Variants in PTPN3 observed in about 807,000 individuals in gnomAD.
The protein encoded by PTPN3 is protein tyrosine phosphatase non-receptor type 3, also known as tyrosine-protein phosphatase non-receptor type 3.
In PTPN3, 96 loss-of-function variants were observed where a neutral mutation model predicts 132.7. The observed-to-expected ratio is 0.72, with a 90% confidence interval of 0.61 to 0.86. The LOEUF (loss-of-function observed/expected upper bound fraction) is 0.86, where lower values mean the gene tolerates loss of function less well. Among genes scored for constraint, PTPN3 ranks in the 40% least tolerant of loss-of-function variants. The pLI, the probability that PTPN3 is intolerant of heterozygous loss-of-function variation, is 0.00. For synonymous variants in PTPN3, 398 were observed against 429.0 expected, an observed-to-expected ratio of 0.93 and a Z score of 0.89; for missense variants, 1,125 against 1,159.6, an observed-to-expected ratio of 0.97 and a Z score of 0.43.
At chr9:109,532,814 G>T in the PTPN3 span, 1 of 776,760 alleles carries the variant, frequency 1.3e-6, no homozygotes, top group African/African-American at 1.8e-5. Context: ...TGATGATAGA[G>T]ATGATAAGTC....
Position 109,445,280 on chromosome 9 carries a change from A to G in PTPN3, c.426T>C (p.Pro142=). The G allele has an allele frequency of 6.2e-7, 1 of 1,613,710 alleles. No homozygotes were observed. Among genetic ancestry groups the G allele is most frequent in the Non-Finnish European group, 8.5e-7 (1 of 1,179,596 alleles). ...ACGCTAGAACCACTGCTGAGTTAAG[A>G]GGGCAGGTTAACCTGTCAGGAGAAA... The part of the protein sequence containing the change: ...MDICEGRLTC[P]LNSAVVLASY... The change falls in exon 7 of 26, where the codon CCT becomes CCC. Residue 142 remains proline, a synonymous_variant. Coordinates refer to ENST00000374541, the MANE Select transcript of PTPN3 (RefSeq NM_002829.4).
chr9:109,530,920 G>C, the PTPN3 span, among the ~76,000 whole-genome samples: 1 of 152,014 alleles, frequency 6.6e-6, no homozygotes, highest in Non-Finnish European at 1.5e-5. Context: ...GGGTTGTTTT[G>C]TTGTTGTTGT....
chr9:109,419,254 A>G (rs1335600400), intron 14 of PTPN3, among the ~76,000 whole-genome samples: 1 of 152,252 alleles, frequency 6.6e-6, no homozygotes, highest in East Asian at 1.9e-4. Context: ...AGGACAGAGG[A>G]GAGGTAGCAG....
At chr9:109,430,760 G>C (rs565749702) in intron 10 of PTPN3, among the ~76,000 whole-genome samples, 64 of 152,294 alleles carry the variant, frequency 4.2e-4, no homozygotes, top group African/African-American at 1.4e-3. Flanking sequence ...TAAGAACTGA[G>C]CCTATAGGCT....
chr9:109,407,782 A>C (rs1041620402), intron 17 of PTPN3, among the ~76,000 whole-genome samples: 1 of 152,194 alleles, frequency 6.6e-6, no homozygotes, highest in Non-Finnish European at 1.5e-5. Flanking sequence ...TCCTGGCCTC[A>C]AGTGATTCAC....
chr9:109,395,565 T>C (rs1230744192), intron 19 of PTPN3, among the ~76,000 whole-genome samples: 2 of 152,206 alleles, frequency 1.3e-5, no homozygotes, highest in East Asian at 3.9e-4. Flanking sequence ...GGTGGGCGGA[T>C]AGCTTAAGCT....
At chr9:109,409,825 A>C (rs80012600) in intron 16 of PTPN3, among the ~76,000 whole-genome samples, 174 bp downstream of exon 16, 2,739 of 152,014 alleles carry the variant, frequency 0.018, 80 homozygotes, top group African/African-American at 0.063. Context: ...AACAAAAAAA[A>C]CCCCAAATAT....
intron 24 of PTPN3, among the ~76,000 whole-genome samples, chr9:109,382,058 C>G (rs1251010289): frequency 1.3e-5 from 2 of 152,204 alleles, no homozygotes; most frequent in Non-Finnish European, 2.9e-5. Context: ...GGTCAGCTGA[C>G]AGAAGGACAG....
chr9:109,517,572 T>C, the PTPN3 span, among the ~76,000 whole-genome samples: 1 of 152,190 alleles, frequency 6.6e-6, no homozygotes, highest in Non-Finnish European at 1.5e-5. Flanking sequence ...CCAAGCCTCA[T>C]AGGTATTTGA....
At chr9:109,514,384 G>A in the PTPN3 span, among the ~76,000 whole-genome samples, 10 of 152,268 alleles carry the variant, frequency 6.6e-5, no homozygotes, top group East Asian at 1.7e-3. Context: ...CCATATTTGA[G>A]GGTAACAAAT....
chr9:109,429,027 T>C (rs1479627823), intron 10 of PTPN3: 6 of 985,340 alleles, frequency 6.1e-6, no homozygotes, highest in Non-Finnish European at 7.2e-6. Flanking sequence ...GAGAGCAGCA[T>C]GGAGCAGCTG....
At chr9:109,416,544 C>G (rs1421453186) in intron 14 of PTPN3, among the ~76,000 whole-genome samples, 2 of 151,260 alleles carry the variant, frequency 1.3e-5, no homozygotes, top group Non-Finnish European at 2.9e-5. Flanking sequence ...CTCCTGGGCT[C>G]AAGTGATTCT....
the PTPN3 span, among the ~76,000 whole-genome samples, chr9:109,511,137 C>G: frequency 1.3e-5 from 2 of 152,116 alleles, no homozygotes; most frequent in African/African-American, 4.8e-5. Context: ...GGAGGTTCAG[C>G]CATGGTGCTT....
At chr9:109,435,681 C>G (rs1033721083) in intron 9 of PTPN3, among the ~76,000 whole-genome samples, 4 of 152,174 alleles carry the variant, frequency 2.6e-5, no homozygotes, top group African/African-American at 9.7e-5. Flanking sequence ...CCTTGAGGGT[C>G]ATTTCACTGA....
At position 109,409,861 on chromosome 9, in the gene PTPN3, A is replaced by C. The variant is rs1052846349; in HGVS notation, c.1578+138T>G. ...CTCAAACCAAACAAAAACAAAAAAAACCCCCAACTCTCAATTCTGAGGGTT... is the reference window on the plus strand; with the variant it reads ...CTCAAACCAAACAAAAACAAAAAAACCCCCCAACTCTCAATTCTGAGGGTT... On this transcript the variant is annotated intron_variant, in intron 16 of 25. Coordinates refer to ENST00000374541, the MANE Select transcript of PTPN3 (RefSeq NM_002829.4). 29 of 1,388,720 alleles carry C rather than the reference A, an allele frequency of 2.1e-5. No homozygotes were observed. The African/African-American group carries it at 2.9e-4, about 14-fold the overall frequency. 86.0% of individuals were successfully genotyped at this position (1,388,720 alleles called of 1,614,324 possible). A position where few individuals can be genotyped will look rare whatever the true frequency, so the allele number is the denominator to read the frequency against.
At chr9:109,510,482 C>A in the PTPN3 span, among the ~76,000 whole-genome samples, 1 of 149,814 alleles carries the variant, frequency 6.7e-6, no homozygotes, top group Admixed American at 6.7e-5. Flanking sequence ...CCCTTGAACC[C>A]CGGAGGCAGA....
chr9:109,509,051 A>G, the PTPN3 span, among the ~76,000 whole-genome samples: 1 of 152,190 alleles, frequency 6.6e-6, no homozygotes, highest in African/African-American at 2.4e-5. Context: ...AGGAAGATCT[A>G]CAGGTGAAGG....
At chr9:109,438,293 C>A (rs1446750279) in intron 7 of PTPN3, 59 bp from the exon 8 acceptor site, 2 of 1,518,080 alleles carry the variant, frequency 1.3e-6, no homozygotes, top group African/African-American at 2.8e-5. Flanking sequence ...ATATGGTTTG[C>A]ATTTATAAGC....
At chr9:109,465,706 CA>C (rs34634972) in intron 1 of PTPN3, among the ~76,000 whole-genome samples, 3,145 of 64,774 alleles carry the variant, frequency 0.049, 76 homozygotes, top group East Asian at 0.29. Flanking sequence ...AACTCTGTCT[CA>C]AAAAAAAAAA....
Sources: gnomAD v4.1 joint callset for allele counts (sites outside exome capture counted in the v4.1 genomes callset) on GRCh38, gnomAD v4.1.1 for gene constraint, MANE v1.5 for transcripts, NCBI Gene and HGNC (gene_info 2026-07-23, HGNC 2026-07-21) for gene names.